Variants in DPYD observed in about 807,000 individuals in gnomAD.
The protein encoded by DPYD is dihydropyrimidine dehydrogenase [NADP(+)].
In DPYD, 109 loss-of-function variants were observed where a neutral mutation model predicts 116.2. The ratio of observed to expected loss-of-function variants is 0.94; its 90% CI spans 0.80 to 1.10. DPYD has a LOEUF of 1.10. Among genes scored for constraint, DPYD ranks in the 50% least tolerant of loss-of-function variants. DPYD has a pLI of 0.00. For missense variants in DPYD, 1,302 were observed against 1,254.5 expected, an observed-to-expected ratio of 1.04 and a Z score of -0.57; for synonymous variants, 440 against 432.0, an observed-to-expected ratio of 1.02 and a Z score of -0.23.
chr1:97,262,676 A>G (rs1056535879), intron 18 of DPYD, among the ~76,000 whole-genome samples: 3 of 152,116 alleles, frequency 2.0e-5, no homozygotes, highest in Non-Finnish European at 2.9e-5. Context: ...ACCAGAAGCT[A>G]TATAAAGAAC....
At chr1:97,898,607 G>C (rs1417300292) in intron 1 of DPYD, among the ~76,000 whole-genome samples, 1 of 151,838 alleles carries the variant, frequency 6.6e-6, no homozygotes, top group African/African-American at 2.4e-5. Context: ...ATGTGTACAG[G>C]AAAGAACCTG....
At chr1:97,153,094 A>G (rs1414153150) in intron 20 of DPYD, among the ~76,000 whole-genome samples, 2 of 152,120 alleles carry the variant, frequency 1.3e-5, no homozygotes, top group African/African-American at 2.4e-5. Context: ...ATTTTCATCT[A>G]GTAGAGGCAT....
intron 16 of DPYD, among the ~76,000 whole-genome samples, chr1:97,345,840 C>T (rs1212987302): frequency 1.3e-5 from 2 of 151,832 alleles, no homozygotes; most frequent in African/African-American, 4.8e-5. Flanking sequence ...CACTATGAAA[C>T]CTGCCTAATA....
intron 3 of DPYD, among the ~76,000 whole-genome samples, chr1:97,816,567 A>G (rs999337703): frequency 2.0e-5 from 3 of 152,190 alleles, no homozygotes; most frequent in Admixed American, 6.6e-5. Flanking sequence ...TTGTCCTTTT[A>G]TAAGTACCAT....
At position 97,306,146 on chromosome 1, in the gene DPYD, A is replaced by C. The variant is rs779296300; in HGVS notation, c.2179+31T>G. ...CATAATGTGGGCCAATATTTACAAT[A>C]GCGGGCAACTGATTCAAGTCAAGTT... On this transcript the variant is annotated intron_variant, in intron 17 of 22. Transcript: ENST00000370192. 3 of 1,611,734 alleles carry C rather than the reference A, an allele frequency of 1.9e-6. No individual in the cohort carries two copies. The South Asian group carries it at 3.3e-5, about 18-fold the overall frequency.
intron 20 of DPYD, among the ~76,000 whole-genome samples, chr1:97,117,170 A>C (rs541752869): frequency 6.6e-6 from 1 of 151,820 alleles, no homozygotes; most frequent in South Asian, 2.1e-4. Flanking sequence ...TAAAAAAAAA[A>C]TGCAACTCCA....
intron 1 of DPYD, among the ~76,000 whole-genome samples, chr1:97,901,187 C>G (rs1673351170): frequency 6.6e-6 from 1 of 151,716 alleles, no homozygotes; most frequent in South Asian, 2.1e-4. Flanking sequence ...CAGGAAGTAA[C>G]AGAGATTCTT....
At chr1:97,879,176 T>C (rs1211840041) in intron 2 of DPYD, among the ~76,000 whole-genome samples, 1 of 151,972 alleles carries the variant, frequency 6.6e-6, no homozygotes, top group Non-Finnish European at 1.5e-5. Context: ...TGATAAAATA[T>C]AATGTATACC....
chr1:97,407,006 A>G (rs1248419822), intron 14 of DPYD, among the ~76,000 whole-genome samples: 1 of 152,184 alleles, frequency 6.6e-6, no homozygotes, highest in Non-Finnish European at 1.5e-5. Flanking sequence ...GAGCTTTTCA[A>G]TGGCACATAA....
chr1:97,881,686 C>T (rs771495437), intron 2 of DPYD, among the ~76,000 whole-genome samples: 2 of 151,984 alleles, frequency 1.3e-5, no homozygotes, highest in African/African-American at 4.8e-5. Context: ...GTCTCCATTT[C>T]GAAATAAAGT....
intron 11 of DPYD, among the ~76,000 whole-genome samples, chr1:97,570,335 T>G (rs1481017654): frequency 6.6e-6 from 1 of 152,038 alleles, no homozygotes; most frequent in Admixed American, 6.6e-5. Flanking sequence ...GTACTTTATA[T>G]GTACTCTGTC....
chr1:97,897,508 A>G (rs1326328500), intron 1 of DPYD, among the ~76,000 whole-genome samples: 1 of 151,894 alleles, frequency 6.6e-6, no homozygotes, highest in East Asian at 1.9e-4. Flanking sequence ...ATTTACATGT[A>G]TATGAGGCCA....
chr1:97,654,430 G>C (rs1658779837), intron 8 of DPYD, among the ~76,000 whole-genome samples: 1 of 151,948 alleles, frequency 6.6e-6, no homozygotes, highest in African/African-American at 2.4e-5. Context: ...AATTTTTATA[G>C]TGATTTCACA....
rs150683152 is a variant in DPYD at position 97,151,142 on chromosome 1, T to G, written c.2622+41927A>C. 7.3e-3 allele frequency among the ~76,000 whole-genome samples: 1,107 copies of G among 152,346 alleles called. 15 individuals are homozygous for G. The highest frequency in any genetic ancestry group is 0.026 in the African/African-American group (1,062 of 41,584). ...AAATCATTACCTTCTCGTAACATTCTTCTATGAAATGTGTTCCTTTTAAAA... is the reference window on the plus strand; with the variant it reads ...AAATCATTACCTTCTCGTAACATTCGTCTATGAAATGTGTTCCTTTTAAAA... On this transcript the variant is annotated intron_variant, in intron 20 of 22. Coordinates refer to ENST00000370192, the MANE Select transcript of DPYD (RefSeq NM_000110.4).
intron 13 of DPYD, among the ~76,000 whole-genome samples, chr1:97,460,198 A>C (rs1352837292): frequency 6.6e-6 from 1 of 152,216 alleles, no homozygotes; most frequent in Non-Finnish European, 1.5e-5. Context: ...GATAACTCTA[A>C]GATTGTATGT....
At chr1:97,146,396 G>T (rs1396112322) in intron 20 of DPYD, among the ~76,000 whole-genome samples, 2 of 152,094 alleles carry the variant, frequency 1.3e-5, no homozygotes, top group Non-Finnish European at 2.9e-5. Flanking sequence ...GAGACAAACT[G>T]GCCTATATGA....
Position 97,099,746 on chromosome 1 carries a change from C to T in DPYD, c.2623-1114G>A, listed in dbSNP as rs531045189. On this transcript the variant is annotated intron_variant, in intron 20 of 22. Coordinates refer to ENST00000370192, the MANE Select transcript of DPYD (RefSeq NM_000110.4). ...GCAAGTATTTTGGTGAAAAATCACA[C>T]TTGTTTCAAAACACTGGCCTCCACA... 6.6e-5 allele frequency among the ~76,000 whole-genome samples: 10 copies of T among 152,198 alleles called. No individual in the cohort carries two copies. In the East Asian group the frequency reaches 1.7e-3, roughly 27 times the overall value.
At chr1:97,159,926 C>T (rs1557901182) in intron 20 of DPYD, among the ~76,000 whole-genome samples, 1 of 151,834 alleles carries the variant, frequency 6.6e-6, no homozygotes, top group African/African-American at 2.4e-5. Flanking sequence ...TCCCTCCTTC[C>T]TTGTCTTCTT....
At chr1:97,810,009 G>A (rs374347926) in intron 3 of DPYD, among the ~76,000 whole-genome samples, 6 of 152,110 alleles carry the variant, frequency 3.9e-5, no homozygotes, top group South Asian at 2.1e-4. Context: ...AGCACCGGCC[G>A]GGCGTGGTGG....
Sources: gnomAD v4.1 joint callset for allele counts (sites outside exome capture counted in the v4.1 genomes callset) on GRCh38, gnomAD v4.1.1 for gene constraint, MANE v1.5 for transcripts, NCBI Gene and HGNC (gene_info 2026-07-23, HGNC 2026-07-21) for gene names.